STK17A: variants seen among roughly 807,000 people sequenced by gnomAD.
The protein encoded by STK17A is serine/threonine-protein kinase 17A.
In STK17A, 26 loss-of-function variants were observed where a neutral mutation model predicts 43.7. The ratio of observed to expected loss-of-function variants is 0.60; its 90% CI spans 0.44 to 0.83. The LOEUF (loss-of-function observed/expected upper bound fraction) is 0.83, where lower values mean the gene tolerates loss of function less well. Among genes scored for constraint, STK17A ranks in the 40% least tolerant of loss-of-function variants. STK17A has a pLI of 0.00. For synonymous variants in STK17A, 191 were observed against 182.5 expected, an observed-to-expected ratio of 1.05 and a Z score of -0.38; for missense variants, 476 against 511.6, an observed-to-expected ratio of 0.93 and a Z score of 0.67.
At chr7:43,585,524 G>A (rs960402578) in intron 1 of STK17A, among the ~76,000 whole-genome samples, 2 of 151,514 alleles carry the variant, frequency 1.3e-5, no homozygotes, top group African/African-American at 2.4e-5. Context: ...GCATAACAAT[G>A]CAGTTATTAG....
At chr7:43,587,345 A>G (rs1047939336) in intron 1 of STK17A, among the ~76,000 whole-genome samples, 5 of 150,760 alleles carry the variant, frequency 3.3e-5, no homozygotes, top group Non-Finnish European at 7.4e-5. Flanking sequence ...TAGTAGAGAC[A>G]GGGGAAAGGA....
intron 3 of STK17A, among the ~76,000 whole-genome samples, chr7:43,618,338 G>A (rs2083537988): frequency 1.3e-5 from 2 of 152,180 alleles, no homozygotes; most frequent in African/African-American, 2.4e-5. Flanking sequence ...CAGAAAAGGG[G>A]AGAGGGCGTC....
intron 2 of STK17A, among the ~76,000 whole-genome samples, chr7:43,596,809 A>G (rs2082518478): frequency 6.7e-6 from 1 of 149,292 alleles, no homozygotes; most frequent in African/African-American, 2.5e-5. Flanking sequence ...TGGAGGTTGC[A>G]GTGAGCTGAG....
intron 2 of STK17A, among the ~76,000 whole-genome samples, chr7:43,596,454 A>G (rs575853167): frequency 1.3e-5 from 2 of 152,342 alleles, no homozygotes; most frequent in East Asian, 3.9e-4. Flanking sequence ...AGTCTGAGTT[A>G]ATCTCCTTTC....
chr7:43,586,476 T>C (rs1231969518), intron 1 of STK17A, among the ~76,000 whole-genome samples: 1 of 151,508 alleles, frequency 6.6e-6, no homozygotes. Context: ...CTTTTATTGC[T>C]TGAAGCTTGA....
intron 3 of STK17A, among the ~76,000 whole-genome samples, chr7:43,615,206 T>C (rs1198132505): frequency 6.6e-6 from 1 of 152,158 alleles, no homozygotes; most frequent in Admixed American, 6.6e-5. Context: ...GATAGGGTCG[T>C]ATTCTGTTAC....
rs1044217 is a variant in STK17A at position 43,625,186 on chromosome 7, C to T, written c.*344C>T. On this transcript the variant is annotated 3_prime_UTR_variant, in exon 7 of 7. Coordinates refer to ENST00000319357, the MANE Select transcript of STK17A (RefSeq NM_004760.3). ...TCCAAGTAAAAGTGCCAAAACTACACTTCTGTAAATCTCTTGCATTATTCA... is the reference window on the plus strand; with the variant it reads ...TCCAAGTAAAAGTGCCAAAACTACATTTCTGTAAATCTCTTGCATTATTCA... 132,506 of 189,902 alleles carry T rather than the reference C, an allele frequency of 0.7. 46,933 individuals are homozygous for T. Among genetic ancestry groups the T allele is most frequent in the African/African-American group, 0.84 (35,533 of 42,400 alleles). The allele number at this position is 189,902 out of a possible 1,614,324, so 11.8% of individuals were successfully genotyped here. A position where few individuals can be genotyped will look rare whatever the true frequency, so the allele number is the denominator to read the frequency against.
intron 1 of STK17A, among the ~76,000 whole-genome samples, chr7:43,594,200 T>C (rs2082499669): frequency 6.6e-6 from 1 of 151,576 alleles, no homozygotes; most frequent in African/African-American, 2.4e-5. Flanking sequence ...CAAGGCTGCA[T>C]TGAGCTATGA....
chr7:43,583,447 C>G lies in STK17A; in HGVS notation c.204C>G (p.Gly68=). ...GCCTGTGCCCGGGCCGGGAGCTGGG[C>G]AGGTGAGGACGGGCGGGGCCCGGCG... ...GYSLCPGREL[G]RGKFAVVRKC... The change falls in exon 1 of 7, where the codon GGC becomes GGG. Residue 68 remains glycine (G), a splice_region_variant and synonymous_variant. Coordinates refer to ENST00000319357, the MANE Select transcript of STK17A (RefSeq NM_004760.3). 1 of 1,330,232 alleles carries G rather than the reference C, an allele frequency of 7.5e-7. No homozygotes were observed. The highest frequency in any genetic ancestry group is 9.6e-7 in the Non-Finnish European group (1 of 1,042,288). 82.4% of individuals were successfully genotyped at this position (1,330,232 alleles called of 1,614,324 possible). A position where few individuals can be genotyped will look rare whatever the true frequency, so the allele number is the denominator to read the frequency against.
chr7:43,608,499 T>C, intron 3 of STK17A, 99 bp downstream of exon 3: 1 of 1,398,164 alleles, frequency 7.2e-7, no homozygotes, highest in South Asian at 1.4e-5. Context: ...CGTTTGTGTA[T>C]TATTAGGTAA....
chr7:43,624,136 G>T (rs1428420254), intron 6 of STK17A, among the ~76,000 whole-genome samples: 1 of 152,130 alleles, frequency 6.6e-6, no homozygotes, highest in Non-Finnish European at 1.5e-5. Flanking sequence ...CAGTATAACA[G>T]GATTTAAATA....
chr7:43,619,371 G>A (rs2083640498), intron 3 of STK17A, among the ~76,000 whole-genome samples: 2 of 152,202 alleles, frequency 1.3e-5, no homozygotes, highest in Admixed American at 1.3e-4. Context: ...ATATTTATAT[G>A]CTGAGGAAGA....
Position 43,625,440 on chromosome 7 carries a change from T to A in STK17A, c.*598T>A, listed in dbSNP as rs2084399786. On this transcript the variant is annotated 3_prime_UTR_variant, in exon 7 of 7. Coordinates refer to ENST00000319357, the MANE Select transcript of STK17A (RefSeq NM_004760.3). ...TTTTTGCCTAAATACTAGTAACATA[T>A]CAGTGAAAAACCCTAATTTTTTTTC... is the stretch of plus-strand genomic sequence containing the variant. 6.6e-6 allele frequency: 1 copy of A among 152,230 alleles called. No homozygotes were observed. Among genetic ancestry groups the A allele is most frequent in the Non-Finnish European group, 1.5e-5 (1 of 68,042 alleles). The allele number at this position is 152,230 out of a possible 1,614,324, so 9.4% of individuals were successfully genotyped here.
intron 1 of STK17A, among the ~76,000 whole-genome samples, chr7:43,591,410 G>A (rs2082478884): frequency 1.3e-5 from 2 of 151,568 alleles, no homozygotes; most frequent in South Asian, 4.1e-4. Context: ...CTTTTGTTCT[G>A]CAACAGTGGA....
intron 3 of STK17A, among the ~76,000 whole-genome samples, chr7:43,610,496 T>C (rs1298645579): frequency 1.3e-5 from 2 of 151,262 alleles, no homozygotes; most frequent in Non-Finnish European, 2.9e-5. Flanking sequence ...TGAAATCCCA[T>C]GTCTACTAAA....
At position 43,624,537 on chromosome 7, in the gene STK17A, G is replaced by A. The variant is rs770775482; in HGVS notation, c.940G>A (p.Glu314Lys). The A allele has an allele frequency of 1.2e-6, 2 of 1,612,758 alleles. No individual in the cohort carries two copies. Among genetic ancestry groups the A allele is most frequent in the Middle Eastern group, 1.7e-4 (1 of 6,060 alleles). Residue 314 changes from glutamate (E) to lysine (K), a missense_variant, in exon 7 of 7, where the codon GAA (glutamate) becomes AAA (lysine). Around this residue, in one of 3 missense-constraint regions of STK17A, gnomAD observed 46 missense variants for 81.6 expected, o/e 0.56. Coordinates refer to ENST00000319357, the MANE Select transcript of STK17A (RefSeq NM_004760.3). ...KKPEDRATAE[E>K]CLKHPWLTQS... ...TTACAGAGATCGAGCCACTGCTGAA[G>A]AATGTCTAAAGCACCCCTGGTTGAC...
intron 2 of STK17A, among the ~76,000 whole-genome samples, chr7:43,608,036 C>G (rs1245650755): frequency 6.6e-6 from 1 of 152,140 alleles, no homozygotes; most frequent in African/African-American, 2.4e-5. Flanking sequence ...AATCCCAACA[C>G]CTTTGGAGGC....
intron 3 of STK17A, among the ~76,000 whole-genome samples, chr7:43,616,694 G>C (rs575608656): frequency 6.6e-6 from 1 of 152,096 alleles, no homozygotes; most frequent in African/African-American, 2.4e-5. Context: ...TCAGGAGATC[G>C]AGACCATCCT....
At chr7:43,603,855 G>C (rs2082571706) in intron 2 of STK17A, among the ~76,000 whole-genome samples, 1 of 152,058 alleles carries the variant, frequency 6.6e-6, no homozygotes, top group Admixed American at 6.6e-5. Flanking sequence ...TTATCTTCAG[G>C]CTATGTATGT....
Sources: gnomAD v4.1 joint callset for allele counts (sites outside exome capture counted in the v4.1 genomes callset) on GRCh38, gnomAD v4.1.1 for gene constraint, gnomAD v4.1.1 regional missense constraint, MANE v1.5 for transcripts, NCBI Gene and HGNC (gene_info 2026-07-23, HGNC 2026-07-21) for gene names.